Variants in ETV6 observed in about 807,000 individuals in gnomAD.
ETV6 encodes transcription factor ETV6.
Under a neutral mutation model 51.1 loss-of-function variants are expected in ETV6, and 16 were observed. The ratio of observed to expected loss-of-function variants is 0.31; its 90% CI spans 0.21 to 0.48. ETV6 has a LOEUF of 0.48. Ranked by LOEUF, ETV6 falls within the 20% of genes least tolerant of loss-of-function variation. ETV6 has a pLI of 0.99. For missense variants in ETV6, 458 were observed against 594.8 expected (o/e 0.77, Z 2.39); for synonymous variants, 240 against 224.1 (o/e 1.07, Z -0.64).
chr12:11,686,309 T>G (rs1864627487), intron 1 of ETV6, among the ~76,000 whole-genome samples: 1 of 152,226 alleles, frequency 6.6e-6, no homozygotes, highest in Non-Finnish European at 1.5e-5. Flanking sequence ...AGAGAGTTTA[T>G]GGTAGATTCA....
intron 5 of ETV6, among the ~76,000 whole-genome samples, chr12:11,881,103 A>C (rs1028205026): frequency 4.6e-5 from 7 of 152,014 alleles, no homozygotes; most frequent in Non-Finnish European, 7.4e-5. Flanking sequence ...ACGCCTGGAT[A>C]ATTTTTAAAT....
chr12:11,855,233 G>A (rs1389050368), intron 4 of ETV6, among the ~76,000 whole-genome samples: 1 of 152,170 alleles, frequency 6.6e-6, no homozygotes, highest in Non-Finnish European at 1.5e-5. Context: ...GTGAACCCGG[G>A]AGGTGGAGAT....
intron 2 of ETV6, among the ~76,000 whole-genome samples, chr12:11,827,745 T>G (rs550617392): frequency 1.3e-5 from 2 of 152,282 alleles, no homozygotes; most frequent in South Asian, 4.1e-4. Context: ...AGGTCCCAGT[T>G]CAGAATGAGA....
intron 7 of ETV6, among the ~76,000 whole-genome samples, chr12:11,890,739 T>A (rs1947274262): frequency 1.3e-5 from 2 of 152,138 alleles, no homozygotes; most frequent in Non-Finnish European, 2.9e-5. Context: ...TCTTTTTAAA[T>A]AAGCATTTTA....
chr12:11,738,521 C>G (rs904981089), intron 1 of ETV6, among the ~76,000 whole-genome samples: 2 of 151,454 alleles, frequency 1.3e-5, no homozygotes, highest in Admixed American at 6.6e-5. Flanking sequence ...TGCCCAGACT[C>G]ATCTCAAACT....
rs79334745 is a variant in ETV6 at position 11,885,063 on chromosome 12, G to A, written c.1152+476G>A. ...TCCCCTTTATAAGCAAGCGATGCAAGAAGTTTGCCCCACAATTTCCCAAAC... is the reference window on the plus strand; with the variant it reads ...TCCCCTTTATAAGCAAGCGATGCAAAAAGTTTGCCCCACAATTTCCCAAAC... On this transcript the variant is annotated intron_variant, in intron 6 of 7. Coordinates refer to ENST00000396373, the MANE Select transcript of ETV6 (RefSeq NM_001987.5). Among the ~76,000 whole-genome samples, 807 of 152,336 alleles carry A rather than the reference G, an allele frequency of 5.3e-3. 10 individuals carry two copies. Among genetic ancestry groups the A allele is most frequent in the African/African-American group, 0.019 (771 of 41,562 alleles).
intron 1 of ETV6, among the ~76,000 whole-genome samples, chr12:11,669,261 G>A (rs543163332): frequency 6.6e-6 from 1 of 152,078 alleles, no homozygotes; most frequent in African/African-American, 2.4e-5. Context: ...AAGCGACTTC[G>A]AAGTCTGATC....
At chr12:11,779,372 C>T (rs1001066177) in intron 2 of ETV6, among the ~76,000 whole-genome samples, 2 of 152,222 alleles carry the variant, frequency 1.3e-5, no homozygotes, top group Non-Finnish European at 2.9e-5. Flanking sequence ...AAACTTGAAA[C>T]TCCTTTGACT....
chr12:11,687,886 TAAC>T (rs1397044923), intron 1 of ETV6, among the ~76,000 whole-genome samples: 1 of 152,206 alleles, frequency 6.6e-6, no homozygotes, highest in Non-Finnish European at 1.5e-5. Context: ...GGAATAATGA[TAAC>T]AATGGTAGCA....
At chr12:11,732,072 T>G (rs1431119602) in intron 1 of ETV6, among the ~76,000 whole-genome samples, 1 of 152,198 alleles carries the variant, frequency 6.6e-6, no homozygotes, top group Non-Finnish European at 1.5e-5. Flanking sequence ...AGTCCTTACC[T>G]TAAATCTAGG....
At chr12:11,694,536 G>T (rs1260479144) in intron 1 of ETV6, among the ~76,000 whole-genome samples, 3 of 152,184 alleles carry the variant, frequency 2.0e-5, no homozygotes, top group South Asian at 4.1e-4. Flanking sequence ...GTGGGAAGAT[G>T]ATCATATACA....
intron 1 of ETV6, among the ~76,000 whole-genome samples, chr12:11,724,679 AAAT>A (rs1441943945): frequency 6.6e-6 from 1 of 152,192 alleles, no homozygotes; most frequent in African/African-American, 2.4e-5. Flanking sequence ...AGGGGCTGAA[AAAT>A]AATAAGCCTT....
Position 11,650,095 on chromosome 12 carries a change from C to T in ETV6, c.-33C>T, listed in dbSNP as rs763427193. Reference sequence around the variant, plus strand: ...GAGAGGAAAGGAAAGTGGAAAAAACCTGAGAACTTCCTGATCTCTCTCGCT... The same window carrying T: ...GAGAGGAAAGGAAAGTGGAAAAAACTTGAGAACTTCCTGATCTCTCTCGCT... On this transcript the variant is annotated 5_prime_UTR_variant, in exon 1 of 8. Coordinates refer to ENST00000396373, the MANE Select transcript of ETV6 (RefSeq NM_001987.5). The T allele has an allele frequency of 1.9e-6, 3 of 1,610,970 alleles. No individual in the cohort carries two copies. The Admixed American group carries it at 5.0e-5, about 27-fold the overall frequency.
chr12:11,705,886 A>G (rs1865064781), intron 1 of ETV6, among the ~76,000 whole-genome samples: 1 of 152,218 alleles, frequency 6.6e-6, no homozygotes, highest in South Asian at 2.1e-4. Context: ...AGTGCTTTTA[A>G]TATCCATGGA....
At chr12:11,839,494 T>C (rs1946361188) in intron 3 of ETV6, among the ~76,000 whole-genome samples, 190 bp downstream of exon 3, 1 of 152,208 alleles carries the variant, frequency 6.6e-6, no homozygotes, top group African/African-American at 2.4e-5. Context: ...AGGAAGTGTT[T>C]ACAGACCAAG....
At chr12:11,717,115 T>A (rs1436734370) in intron 1 of ETV6, among the ~76,000 whole-genome samples, 1 of 152,178 alleles carries the variant, frequency 6.6e-6, no homozygotes, top group Non-Finnish European at 1.5e-5. Context: ...TTTGCCCACG[T>A]TGTATTCCTT....
At chr12:11,710,977 G>A (rs907504572) in intron 1 of ETV6, among the ~76,000 whole-genome samples, 2 of 152,194 alleles carry the variant, frequency 1.3e-5, no homozygotes, top group African/African-American at 4.8e-5. Context: ...CATCAGGTGA[G>A]GAAGCCTTAG....
At chr12:11,857,101 G>A (rs915776979) in intron 4 of ETV6, among the ~76,000 whole-genome samples, 3 of 152,220 alleles carry the variant, frequency 2.0e-5, no homozygotes, top group Non-Finnish European at 4.4e-5. Flanking sequence ...TCATTCAACC[G>A]CCTTGTGATT....
intron 2 of ETV6, among the ~76,000 whole-genome samples, chr12:11,776,215 A>T (rs1429236369): frequency 6.6e-6 from 1 of 152,174 alleles, no homozygotes; most frequent in African/African-American, 2.4e-5. Context: ...TTTGATGAGG[A>T]TGCGGGACAT....
Sources: gnomAD v4.1 joint callset for allele counts (sites outside exome capture counted in the v4.1 genomes callset) on GRCh38, gnomAD v4.1.1 for gene constraint, MANE v1.5 for transcripts, NCBI Gene and HGNC (gene_info 2026-07-23, HGNC 2026-07-21) for gene names.